COL14A1: variants seen among roughly 807,000 people sequenced by gnomAD.
COL14A1 encodes the protein collagen type XIV alpha 1 chain.
Under a neutral mutation model 230.3 loss-of-function variants are expected in COL14A1, and 136 were observed. That is an observed-to-expected ratio of 0.59 (90% confidence interval 0.51 to 0.68). COL14A1 has a LOEUF of 0.68. Ranked by LOEUF, COL14A1 falls within the 30% of genes least tolerant of loss-of-function variation. The pLI is 0.00. For synonymous variants in COL14A1, 792 were observed against 784.1 expected (o/e 1.01, Z -0.17); for missense variants, 1,976 against 2,215.8 (o/e 0.89, Z 2.17).
At chr8:120,255,391 C>A (rs1055374041) in intron 23 of COL14A1, 35 bp downstream of exon 23, 9 of 1,467,572 alleles carry the variant, frequency 6.1e-6, no homozygotes, top group Non-Finnish European at 4.8e-6. Context: ...TTTTGTCAAG[C>A]ATTTGTGTAT....
At chr8:120,253,191 TA>T (rs1186594916) in intron 22 of COL14A1, among the ~76,000 whole-genome samples, 1 of 152,178 alleles carries the variant, frequency 6.6e-6, no homozygotes, top group African/African-American at 2.4e-5. Flanking sequence ...CTATTTTTAG[TA>T]AAGACAGGGT....
At chr8:120,203,663 A>C in intron 8 of COL14A1, 46 bp from the exon 9 acceptor site, 5 of 1,600,684 alleles carry the variant, frequency 3.1e-6, no homozygotes, top group Non-Finnish European at 4.3e-6. Context: ...CACTCTTTCC[A>C]AGGGGGCATA....
chr8:120,318,040 G>A (rs1821295202), intron 40 of COL14A1, among the ~76,000 whole-genome samples: 1 of 152,126 alleles, frequency 6.6e-6, no homozygotes, highest in African/African-American at 2.4e-5. Context: ...TCTTCTAGAA[G>A]AGATATTTGA....
intron 14 of COL14A1, among the ~76,000 whole-genome samples, chr8:120,217,467 T>C (rs1378549281): frequency 6.6e-6 from 1 of 152,214 alleles, no homozygotes. Context: ...TTAGATTGCA[T>C]CATTTCTATT....
chr8:120,212,455 T>C lies in COL14A1; in HGVS notation c.1475T>C (p.Ile492Thr). The C allele has an allele frequency of 6.2e-7, 1 of 1,613,078 alleles. No individual in the cohort carries two copies. Among genetic ancestry groups the C allele is most frequent in the Non-Finnish European group, 8.5e-7 (1 of 1,179,338 alleles). ...GLAGDEKEMK[I>T]GETHTDIELS... Reference sequence around the variant, plus strand: ...AACATGTGTTCTTTTCAGATGAAAATTGGAGAGACCCACACAGATATTGAA... The same window carrying C: ...AACATGTGTTCTTTTCAGATGAAAACTGGAGAGACCCACACAGATATTGAA... Residue 492 changes from isoleucine to threonine, a missense_variant, in exon 13 of 48, where the codon ATT becomes ACT. By Grantham distance (89) the Ile-to-Thr change is moderately conservative. Transcript: ENST00000297848.
intron 19 of COL14A1, among the ~76,000 whole-genome samples, chr8:120,236,128 G>C (rs750447623): frequency 5.9e-5 from 9 of 152,152 alleles, no homozygotes; most frequent in Non-Finnish European, 1.2e-4. Flanking sequence ...ATGTCTATTA[G>C]GTCCTCTTGG....
chr8:120,305,664 T>G (rs1820835768), intron 36 of COL14A1, among the ~76,000 whole-genome samples: 1 of 152,192 alleles, frequency 6.6e-6, no homozygotes, highest in Non-Finnish European at 1.5e-5. Context: ...CATCCACAAC[T>G]TTAATTTTAC....
intron 27 of COL14A1, 87 bp downstream of exon 27, chr8:120,278,321 T>G: frequency 6.6e-7 from 1 of 1,510,496 alleles, no homozygotes; most frequent in Admixed American, 2.2e-5. Flanking sequence ...GGCATAGTAA[T>G]TTTTTAAAGA....
At chr8:120,262,730 C>A (rs1819377559) in intron 23 of COL14A1, 138 bp from the exon 24 acceptor site, 1 of 758,342 alleles carries the variant, frequency 1.3e-6, no homozygotes, top group Non-Finnish European at 2.0e-6. Context: ...TACAATACTT[C>A]AAACAAATAT....
At chr8:120,346,613 A>G (rs545722765) in intron 45 of COL14A1, among the ~76,000 whole-genome samples, 2 of 152,290 alleles carry the variant, frequency 1.3e-5, no homozygotes, top group East Asian at 1.9e-4. Context: ...TTTTGTACAC[A>G]TTGTTTTCCC....
chr8:120,206,934 T>TG lies in COL14A1; in HGVS notation c.1040-9_1040-8insG. 1 of 1,592,178 alleles carries TG rather than the reference T, an allele frequency of 6.3e-7. No homozygotes were observed. Among genetic ancestry groups the TG allele is most frequent in the Non-Finnish European group, 8.5e-7 (1 of 1,173,496 alleles). On this transcript the variant is annotated splice_polypyrimidine_tract_variant and intron_variant, in intron 9 of 47. Coordinates refer to ENST00000297848, the MANE Select transcript of COL14A1 (RefSeq NM_021110.4). ...TAAGAGGTTTATTTGATATGTTTTT[T>TG]TAATTTAGCCTCAGCCCATGCCATC... is the stretch of plus-strand genomic sequence containing the variant.
rs1038506874 is a variant in COL14A1 at position 120,357,948 on chromosome 8, T to C, written c.5078-9223T>C. 2.0e-5 allele frequency among the ~76,000 whole-genome samples: 3 copies of C among 152,122 alleles called. No homozygotes were observed. In the East Asian group the frequency reaches 5.8e-4, roughly 29 times the overall value. ...TCCTGTTTCTGAAATTAGTCATAAT[T>C]AGAACAAAATCCATTTTCAAACCAA... On this transcript the variant is annotated intron_variant, in intron 45 of 47. Transcript: ENST00000297848.
chr8:120,341,188 G>A (rs749379742), intron 42 of COL14A1, 137 bp from the exon 43 acceptor site: 3 of 808,784 alleles, frequency 3.7e-6, no homozygotes, highest in Non-Finnish European at 4.2e-6. Context: ...TTTATTTTCT[G>A]TTGTTGTGTA....
At chr8:120,354,579 T>C (rs1272435154) in intron 45 of COL14A1, among the ~76,000 whole-genome samples, 1 of 152,182 alleles carries the variant, frequency 6.6e-6, no homozygotes, top group African/African-American at 2.4e-5. Flanking sequence ...AAAAGAAGAT[T>C]GCACTTTTGC....
intron 5 of COL14A1, among the ~76,000 whole-genome samples, chr8:120,182,960 C>G (rs11992259): frequency 0.34 from 51,812 of 151,860 alleles, 9,616 homozygotes; most frequent in Admixed American, 0.48. Flanking sequence ...CTCCTGAGCT[C>G]AGGTGATCCG....
At chr8:120,263,108 C>T (rs1819392087) in intron 24 of COL14A1, 94 bp downstream of exon 24, 4 of 1,346,650 alleles carry the variant, frequency 3.0e-6, no homozygotes, top group Non-Finnish European at 4.0e-6. Context: ...AAAATATTAG[C>T]TATTGCTGTT....
At chr8:120,137,243 T>C (rs1288770145) in intron 1 of COL14A1, among the ~76,000 whole-genome samples, 9 of 152,146 alleles carry the variant, frequency 5.9e-5, no homozygotes, top group African/African-American at 2.2e-4. Flanking sequence ...ATTGTTGGGA[T>C]TATTGGCAAA....
At chr8:120,174,486 G>A (rs1426393915) in intron 5 of COL14A1, among the ~76,000 whole-genome samples, 4 of 152,212 alleles carry the variant, frequency 2.6e-5, no homozygotes, top group Non-Finnish European at 5.9e-5. Flanking sequence ...CAACGGAAGA[G>A]TGAGGCTACT....
intron 4 of COL14A1, among the ~76,000 whole-genome samples, chr8:120,162,982 A>G (rs946873989): frequency 1.3e-5 from 2 of 152,106 alleles, no homozygotes; most frequent in Admixed American, 6.6e-5. Context: ...TTTATTTCTC[A>G]TTGTATCACA....
Sources: allele counts gnomAD v4.1 joint callset (sites outside exome capture counted in the v4.1 genomes callset), GRCh38; gene constraint gnomAD v4.1.1; transcripts MANE v1.5; gene names NCBI Gene and HGNC (gene_info 2026-07-23, HGNC 2026-07-21).